The following VAV3 variants were observed in gnomAD, a reference collection of about 807,000 sequenced individuals.
VAV3 encodes the protein vav guanine nucleotide exchange factor 3.
Under a neutral mutation model 131.2 loss-of-function variants are expected in VAV3, and 94 were observed. That is an observed-to-expected ratio of 0.72 (90% CI 0.61 to 0.85). The LOEUF (loss-of-function observed/expected upper bound fraction) is 0.85. VAV3 is among the 40% of genes least tolerant of loss of function. The pLI is 0.00. For missense variants in VAV3, 939 were observed against 1,002.7 expected, an observed-to-expected ratio of 0.94 and a Z score of 0.86; for synonymous variants, 349 against 342.0, an observed-to-expected ratio of 1.02 and a Z score of -0.22.
intron 18 of VAV3, among the ~76,000 whole-genome samples, chr1:107,685,040 TG>T (rs1310526370): frequency 1.3e-5 from 2 of 152,142 alleles, no homozygotes; most frequent in Non-Finnish European, 2.9e-5. Context: ...ATTTTATACC[TG>T]CTACTATCAA....
chr1:107,898,658 GAC>G (rs1671720485), intron 1 of VAV3, among the ~76,000 whole-genome samples: 1 of 152,094 alleles, frequency 6.6e-6, no homozygotes, highest in African/African-American at 2.4e-5. Flanking sequence ...TACACTTAAT[GAC>G]ACAGATACTT....
chr1:107,836,294 C>T (rs1425559643), intron 2 of VAV3, among the ~76,000 whole-genome samples: 1 of 152,050 alleles, frequency 6.6e-6, no homozygotes, highest in Non-Finnish European at 1.5e-5. Flanking sequence ...AAGCAAGTCT[C>T]AATAAATTCA....
intron 2 of VAV3, among the ~76,000 whole-genome samples, chr1:107,859,979 C>A (rs1308589135): frequency 6.6e-6 from 1 of 152,052 alleles, no homozygotes; most frequent in Non-Finnish European, 1.5e-5. Flanking sequence ...AGAAAAATAT[C>A]CTTATTTTGA....
chr1:107,866,970 C>T (rs1280001571), intron 2 of VAV3, among the ~76,000 whole-genome samples: 1 of 151,226 alleles, frequency 6.6e-6, no homozygotes, highest in Non-Finnish European at 1.5e-5. Flanking sequence ...GAGTTTGAAG[C>T]AATTGTGTGA....
chr1:107,933,589 G>A (rs1275333972), intron 1 of VAV3, among the ~76,000 whole-genome samples: 2 of 151,980 alleles, frequency 1.3e-5, no homozygotes, highest in African/African-American at 4.8e-5. Flanking sequence ...AAGGCAGTAG[G>A]ATTACTTGAG....
intron 1 of VAV3, among the ~76,000 whole-genome samples, chr1:107,903,132 C>T (rs1671948171): frequency 6.6e-6 from 1 of 151,830 alleles, no homozygotes; most frequent in Non-Finnish European, 1.5e-5. Flanking sequence ...TGGGAATGTG[C>T]TATAGAGAAA....
At chr1:107,649,673 A>G (rs1160777782) in intron 19 of VAV3, among the ~76,000 whole-genome samples, 10 of 152,108 alleles carry the variant, frequency 6.6e-5, no homozygotes, top group Non-Finnish European at 1.5e-5. Context: ...CTCATAAAGG[A>G]TATCTAAAGG....
chr1:107,605,595 T>C (rs1257334750), intron 22 of VAV3, among the ~76,000 whole-genome samples: 3 of 152,206 alleles, frequency 2.0e-5, no homozygotes, highest in African/African-American at 7.2e-5. Context: ...AATCTTAAAA[T>C]CTGAAATTCA....
intron 11 of VAV3, among the ~76,000 whole-genome samples, chr1:107,756,259 T>A: frequency 6.6e-6 from 1 of 152,214 alleles, no homozygotes; most frequent in East Asian, 1.9e-4. Context: ...TGCTCCAGAT[T>A]TTCCTGTTTT....
intron 1 of VAV3, among the ~76,000 whole-genome samples, chr1:107,956,118 A>G (rs549551598): frequency 6.6e-6 from 1 of 152,374 alleles, no homozygotes; most frequent in African/African-American, 2.4e-5. Flanking sequence ...TAACTCACTC[A>G]TAGTGCAGGA....
At position 107,758,447 on chromosome 1, in the gene VAV3, C is replaced by T. The variant is rs141959934; in HGVS notation, c.1018-1118G>A. On this transcript the variant is annotated intron_variant, in intron 10 of 26. Transcript: ENST00000370056. ...ATTAGCTGGGCAAGGTGGCATGAGC[C>T]TGTAGTCTCAGCTACTTGGGAGGCT... is the stretch of plus-strand genomic sequence containing the variant. 3.2e-3 allele frequency among the ~76,000 whole-genome samples: 484 copies of T among 152,238 alleles called. 12 individuals are homozygous for T. The highest frequency in any genetic ancestry group is 0.027 in the Admixed American group (413 of 15,282).
chr1:107,634,494 T>C (rs1374278643), intron 20 of VAV3, among the ~76,000 whole-genome samples: 3 of 152,134 alleles, frequency 2.0e-5, no homozygotes, highest in East Asian at 1.9e-4. Context: ...AAGACTTACA[T>C]GTTAGACCTA....
chr1:107,779,090 C>T (rs903700223), intron 3 of VAV3, among the ~76,000 whole-genome samples: 1 of 151,066 alleles, frequency 6.6e-6, no homozygotes, highest in Non-Finnish European at 1.5e-5. Context: ...CATATTACAA[C>T]ATCTTATAAA....
intron 1 of VAV3, among the ~76,000 whole-genome samples, chr1:107,888,877 C>T (rs1003208965): frequency 2.6e-5 from 4 of 152,002 alleles, no homozygotes; most frequent in East Asian, 3.9e-4. Flanking sequence ...TTTCTCGGCA[C>T]GCACACTCCT....
rs144060993 is a variant in VAV3 at position 107,709,659 on chromosome 1, G to A, written c.1503-4598C>T. The stretch of plus-strand genomic sequence containing the variant: ...GGGACCAGGTGGAGATAACTGAATC[G>A]TGGGGATGGTTTCCCCCATCCTGTT... On this transcript the variant is annotated intron_variant, in intron 15 of 26. Transcript: ENST00000370056. 6.9e-3 allele frequency among the ~76,000 whole-genome samples: 1,054 copies of A among 152,254 alleles called. 3 individuals carry two copies. Among genetic ancestry groups the A allele is most frequent in the Non-Finnish European group, 9.5e-3 (643 of 68,028 alleles).
rs560706625 is a variant in VAV3, at chr1:107,714,362, C to T, written c.1503-9301G>A. 3.3e-5 allele frequency among the ~76,000 whole-genome samples: 5 copies of T among 152,226 alleles called. No homozygotes were observed. In the East Asian group the frequency reaches 7.7e-4, roughly 23 times the overall value. On this transcript the variant is annotated intron_variant, in intron 15 of 26. Coordinates refer to ENST00000370056, the MANE Select transcript of VAV3 (RefSeq NM_006113.5). ...AAGTCATAGGCACTCCTAAAATCTC[C>T]AGTTCTGACAAAGCAATCTTTAAGT... is the stretch of plus-strand genomic sequence containing the variant.
intron 10 of VAV3, among the ~76,000 whole-genome samples, chr1:107,759,875 ATGCCTTGGAAACTGAT>A (rs1664319516): frequency 6.6e-6 from 1 of 152,184 alleles, no homozygotes. Flanking sequence ...TAGTTCCAGG[ATGCCTTGGAAACTGAT>A]TGCCTGAGTC....
chr1:107,675,283 T>C (rs984845087), intron 19 of VAV3, among the ~76,000 whole-genome samples: 18 of 152,344 alleles, frequency 1.2e-4, no homozygotes, highest in African/African-American at 3.8e-4. Flanking sequence ...ACTTAGTATG[T>C]GCTAAACTTG....
rs1664743879 is a variant in VAV3, at chr1:107,766,555, G to GA, written c.718-6dup. 4 of 1,607,412 alleles carry GA rather than the reference G, an allele frequency of 2.5e-6. No individual in the cohort carries two copies. The East Asian group carries it at 9.0e-5, about 36-fold the overall frequency. On this transcript the variant is annotated splice_polypyrimidine_tract_variant and splice_region_variant and intron_variant, in intron 7 of 26. Coordinates refer to ENST00000370056, the MANE Select transcript of VAV3 (RefSeq NM_006113.5). ...CCGATGAAGTTTTACAAGTTCCTAA[G>GA]AAAAGAAAACAATGTGAAAGGAAAG...
Sources: gnomAD v4.1 joint callset for allele counts (sites outside exome capture counted in the v4.1 genomes callset) on GRCh38, gnomAD v4.1.1 for gene constraint, MANE v1.5 for transcripts, NCBI Gene and HGNC (gene_info 2026-07-23, HGNC 2026-07-21) for gene names.